Variants in SH3RF2 observed in about 807,000 individuals in gnomAD.
SH3RF2 encodes SH3 domain containing ring finger 2.
In SH3RF2, 43 loss-of-function variants were observed where a neutral mutation model predicts 59.0. The observed-to-expected ratio is 0.73, with a 90% CI of 0.57 to 0.94. The LOEUF (loss-of-function observed/expected upper bound fraction) is 0.94, where lower values mean the gene tolerates loss of function less well. Among genes scored for constraint, SH3RF2 ranks in the 40% least tolerant of loss-of-function variants. The pLI, the probability that SH3RF2 is intolerant of heterozygous loss-of-function variation, is 0.00. For missense variants in SH3RF2, 930 were observed against 940.1 expected (o/e 0.99, Z 0.14); for synonymous variants, 391 against 391.5 (o/e 1.00, Z 0.01).
downstream of SH3RF2, among the ~76,000 whole-genome samples, chr5:146,063,836 G>A (rs1366130375): frequency 6.6e-6 from 1 of 151,908 alleles, no homozygotes; most frequent in African/African-American, 2.4e-5. Context: ...CTCCAGCCTG[G>A]GTGACAGAGT....
intron 3 of SH3RF2, among the ~76,000 whole-genome samples, chr5:146,002,530 AAGGAAG>A: frequency 6.8e-6 from 1 of 146,162 alleles, no homozygotes; most frequent in South Asian, 2.2e-4. Context: ...GGAAGGAAGG[AAGGAAG>A]GATAACCTAT....
chr5:145,962,637 T>C (rs1038126615), intron 2 of SH3RF2, among the ~76,000 whole-genome samples: 10 of 152,136 alleles, frequency 6.6e-5, no homozygotes, highest in Non-Finnish European at 1.2e-4. Flanking sequence ...TTCTATATCT[T>C]ATGTATGCAT....
Position 145,951,351 on chromosome 5 carries a change from G to C in SH3RF2, c.378+13045G>C, listed in dbSNP as rs1279727355. ...CTCCCTCATGCAAGGAGTATGCATAGCACATATCTTTTTTGTTTATTAACA... is the reference window on the plus strand; with the variant it reads ...CTCCCTCATGCAAGGAGTATGCATACCACATATCTTTTTTGTTTATTAACA... On this transcript the variant is annotated intron_variant, in intron 2 of 9. Coordinates refer to ENST00000359120, the MANE Select transcript of SH3RF2 (RefSeq NM_152550.4). Among the ~76,000 whole-genome samples, 8 of 152,276 alleles carry C rather than the reference G, an allele frequency of 5.3e-5. No individual in the cohort carries two copies. The East Asian group carries it at 1.5e-3, about 29-fold the overall frequency.
intron 2 of SH3RF2, among the ~76,000 whole-genome samples, chr5:145,945,887 C>T (rs1469050486): frequency 6.6e-6 from 1 of 152,144 alleles, no homozygotes; most frequent in Non-Finnish European, 1.5e-5. Context: ...AAGAAGTTAT[C>T]TCTACTCCAA....
intron 5 of SH3RF2, among the ~76,000 whole-genome samples, chr5:146,046,286 A>G (rs1466245296): frequency 2.6e-5 from 4 of 152,204 alleles, no homozygotes; most frequent in Non-Finnish European, 5.9e-5. Context: ...ATGCCATCAC[A>G]CATGTACATT....
At chr5:145,991,769 T>C (rs1036815904) in intron 2 of SH3RF2, among the ~76,000 whole-genome samples, 2 of 152,154 alleles carry the variant, frequency 1.3e-5, no homozygotes, top group Non-Finnish European at 2.9e-5. Context: ...GCTCTCTCAG[T>C]AAGTCATTAA....
chr5:145,997,842 A>G (rs1001636321), intron 2 of SH3RF2: 27 of 1,307,912 alleles, frequency 2.1e-5, no homozygotes, highest in Non-Finnish European at 2.9e-5. Context: ...ACCTGCAAAA[A>G]CAACTCACAT....
intron 5 of SH3RF2, among the ~76,000 whole-genome samples, chr5:146,023,831 G>GT (rs1460923721): frequency 6.6e-6 from 1 of 152,112 alleles, no homozygotes; most frequent in Non-Finnish European, 1.5e-5. Flanking sequence ...TATTCTGGAT[G>GT]TTTTCTATAA....
At chr5:145,962,377 T>C (rs898335570) in intron 2 of SH3RF2, among the ~76,000 whole-genome samples, 3 of 152,208 alleles carry the variant, frequency 2.0e-5, no homozygotes, top group Non-Finnish European at 4.4e-5. Flanking sequence ...ATTTTACACA[T>C]GAGTGTTAAA....
intron 2 of SH3RF2, among the ~76,000 whole-genome samples, chr5:145,984,948 G>A (rs1225576444): frequency 2.0e-5 from 3 of 152,178 alleles, no homozygotes; most frequent in Admixed American, 6.5e-5. Flanking sequence ...CTTGAGCCCA[G>A]AGTTCAAGAC....
In SH3RF2 at chr5:145,985,940, G is replaced by A. The variant is rs1430785624; in HGVS notation, c.379-14118G>A. On this transcript the variant is annotated intron_variant, in intron 2 of 9. Coordinates refer to ENST00000359120, the MANE Select transcript of SH3RF2 (RefSeq NM_152550.4). ...GATCTCTTGAGCCCAGGAGTTTGAGGCTTCAGTGAGCAATGATTGCACTGC... is the reference window on the plus strand; with the variant it reads ...GATCTCTTGAGCCCAGGAGTTTGAGACTTCAGTGAGCAATGATTGCACTGC... Among the ~76,000 whole-genome samples, 3 of 151,958 alleles carry A rather than the reference G, an allele frequency of 2.0e-5. No individual in the cohort carries two copies. The East Asian group carries it at 5.8e-4, about 29-fold the overall frequency.
chr5:146,061,784 T>C (rs943052151), intron 9 of SH3RF2, among the ~76,000 whole-genome samples: 1 of 152,162 alleles, frequency 6.6e-6, no homozygotes, highest in African/African-American at 2.4e-5. Flanking sequence ...CAGCCAGCTG[T>C]TGTCAGAATG....
At chr5:146,066,438 CA>C (rs1763108044), downstream of SH3RF2, among the ~76,000 whole-genome samples, 1 of 152,152 alleles carries the variant, frequency 6.6e-6, no homozygotes, top group African/African-American at 2.4e-5. Context: ...GATAATGATA[CA>C]AAGTGACTTA....
At chr5:146,024,518 G>T (rs1172550284) in intron 5 of SH3RF2, among the ~76,000 whole-genome samples, 2 of 151,950 alleles carry the variant, frequency 1.3e-5, no homozygotes, top group East Asian at 3.9e-4. Flanking sequence ...TCTGCGTGTT[G>T]CCTTTTCACT....
At position 145,938,274 on chromosome 5, in the gene SH3RF2, C is replaced by T; in HGVS notation, c.346C>T (p.Leu116=). The change falls in exon 2 of 10, where the codon CTA becomes TTA. Residue 116 remains leucine (L), a synonymous_variant. Transcript: ENST00000359120. The part of the protein sequence containing the change: ...PRRLQASPFR[L]VPNVRIHMDG... Reference sequence around the variant, plus strand: ...ACGTCTGCAGGCCAGTCCTTTCCGGCTAGTGCCTAATGTCAGAATCCACAT... The same window carrying T: ...ACGTCTGCAGGCCAGTCCTTTCCGGTTAGTGCCTAATGTCAGAATCCACAT... The T allele has an allele frequency of 6.3e-7, 1 of 1,582,398 alleles. No homozygotes were observed. The highest frequency in any genetic ancestry group is 8.6e-7 in the Non-Finnish European group (1 of 1,168,776).
chr5:146,080,606 C>A (rs1351773826), exon 10 of SH3RF2: 1 of 152,166 alleles, frequency 6.6e-6, no homozygotes, highest in Non-Finnish European at 1.5e-5. Flanking sequence ...GGGCTGGCAA[C>A]TTATTTCCTT....
Position 145,997,588 on chromosome 5 carries a change from C to T in SH3RF2, c.379-2470C>T, listed in dbSNP as rs546455386. 6.9e-5 allele frequency: 110 copies of T among 1,605,762 alleles called. 1 individual carries two copies. Among genetic ancestry groups the T allele is most frequent in the South Asian group, 1.2e-4 (11 of 90,766 alleles). ...TCAGGATTGGTGGGCTTGGTTTCAGCGAGAAAAGGTTTTAAGTTTAAGAAA... is the reference window on the plus strand; with the variant it reads ...TCAGGATTGGTGGGCTTGGTTTCAGTGAGAAAAGGTTTTAAGTTTAAGAAA... On this transcript the variant is annotated intron_variant, in intron 2 of 9. Coordinates refer to ENST00000359120, the MANE Select transcript of SH3RF2 (RefSeq NM_152550.4).
rs536123279 is a variant in SH3RF2 at position 146,044,876 on chromosome 5, C to T, written c.1060-2896C>T. Among the ~76,000 whole-genome samples the T allele has an allele frequency of 8.4e-4, 128 of 152,278 alleles. 1 individual carries two copies. The highest frequency in any genetic ancestry group is 9.6e-4 in the Non-Finnish European group (65 of 68,026). ...TAGAAATAATGTCATCACAAGCCCA[C>T]AGGTTACTGTCCTGGCCAGGCTCAC... On this transcript the variant is annotated intron_variant, in intron 5 of 9. Coordinates refer to ENST00000359120, the MANE Select transcript of SH3RF2 (RefSeq NM_152550.4).
chr5:146,059,038 A>G (rs1464758641), intron 8 of SH3RF2, among the ~76,000 whole-genome samples: 1 of 152,162 alleles, frequency 6.6e-6, no homozygotes, highest in Non-Finnish European at 1.5e-5. Context: ...TACTTTGCAC[A>G]CCAAATAGAA....
Sources: gnomAD v4.1 joint callset for allele counts (sites outside exome capture counted in the v4.1 genomes callset) on GRCh38, gnomAD v4.1.1 for gene constraint, MANE v1.5 for transcripts, NCBI Gene and HGNC (gene_info 2026-07-23, HGNC 2026-07-21) for gene names.